The following CADM1 variants were observed in gnomAD, a reference collection of about 807,000 sequenced individuals.
The protein encoded by CADM1 is TSLC-1.
Under a neutral mutation model 53.1 loss-of-function variants are expected in CADM1, and 15 were observed. That is an observed-to-expected ratio of 0.28 (90% CI 0.19 to 0.44). CADM1 has a LOEUF of 0.44. Ranked by LOEUF, CADM1 falls within the 20% of genes least tolerant of loss-of-function variation. The pLI is 1.00. For synonymous variants in CADM1, 281 were observed against 243.0 expected (o/e 1.16, Z -1.45); for missense variants, 434 against 611.3 (o/e 0.71, Z 3.06).
intron 1 of CADM1, among the ~76,000 whole-genome samples, chr11:115,300,538 A>G (rs1944191683): frequency 1.3e-5 from 2 of 152,162 alleles, no homozygotes; most frequent in South Asian, 4.1e-4. Flanking sequence ...TCTTAAGCAT[A>G]TATATCACAG....
intron 1 of CADM1, among the ~76,000 whole-genome samples, chr11:115,281,634 T>A (rs760998325): frequency 3.3e-5 from 5 of 152,298 alleles, no homozygotes; most frequent in Non-Finnish European, 5.9e-5. Context: ...CATTTAGTTC[T>A]ATGAGAGTTT....
intron 1 of CADM1, among the ~76,000 whole-genome samples, chr11:115,245,310 AC>A (rs1322847517): frequency 2.6e-5 from 4 of 152,304 alleles, no homozygotes; most frequent in African/African-American, 4.8e-5. Flanking sequence ...TAAAAAAAAA[AC>A]ATTCTGCTAA....
intron 1 of CADM1, among the ~76,000 whole-genome samples, chr11:115,372,527 C>T (rs546141717): frequency 1.8e-4 from 27 of 152,022 alleles, no homozygotes; most frequent in African/African-American, 6.5e-4. Context: ...TCTTTGCCTC[C>T]CTCTCAAGAA....
chr11:115,367,725 T>C (rs774638058), intron 1 of CADM1, among the ~76,000 whole-genome samples: 39 of 152,214 alleles, frequency 2.6e-4, no homozygotes, highest in Non-Finnish European at 5.0e-4. Flanking sequence ...TTCTGTAGTT[T>C]AATAAATTTT....
At chr11:115,386,383 C>T (rs554970807) in intron 1 of CADM1, among the ~76,000 whole-genome samples, 19 of 152,270 alleles carry the variant, frequency 1.2e-4, no homozygotes, top group Non-Finnish European at 2.4e-4. Flanking sequence ...AACAAAGACA[C>T]ATGTCTTAGT....
Position 115,295,522 on chromosome 11 carries a change from AT to A in CADM1, c.125-55103del, listed in dbSNP as rs1420055303. Among the ~76,000 whole-genome samples, 156 of 75,390 alleles carry A rather than the reference AT, an allele frequency of 2.1e-3. 1 individual carries two copies. Among genetic ancestry groups the A allele is most frequent in the African/African-American group, 0.015 (147 of 9,538 alleles). 49.5% of individuals were successfully genotyped at this position (75,390 alleles called of 152,430 possible). On this transcript the variant is annotated intron_variant, in intron 1 of 11. Coordinates refer to ENST00000331581, the MANE Select transcript of CADM1 (RefSeq NM_001301043.2). ...CAAGATATTTTATATATATATATATATATATATATATATATATATATATATA... is the reference window on the plus strand; with the variant it reads ...CAAGATATTTTATATATATATATATAATATATATATATATATATATATATA...
chr11:115,375,391 G>A (rs1946413070), intron 1 of CADM1, among the ~76,000 whole-genome samples: 1 of 152,154 alleles, frequency 6.6e-6, no homozygotes, highest in South Asian at 2.1e-4. Flanking sequence ...GCCTTCTGGG[G>A]TGCTGCTGGC....
chr11:115,283,985 C>T (rs911620251), intron 1 of CADM1, among the ~76,000 whole-genome samples: 2 of 151,988 alleles, frequency 1.3e-5, no homozygotes, highest in African/African-American at 4.8e-5. Context: ...GGGATCGGGT[C>T]CTAGACTTGC....
intron 1 of CADM1, among the ~76,000 whole-genome samples, chr11:115,322,558 T>C (rs1042015892): frequency 6.6e-6 from 1 of 152,180 alleles, no homozygotes; most frequent in Non-Finnish European, 1.5e-5. Flanking sequence ...CCACTGATAG[T>C]CACTTCTGGT....
intron 1 of CADM1, among the ~76,000 whole-genome samples, chr11:115,416,508 C>A (rs1471829464): frequency 1.3e-5 from 2 of 152,050 alleles, no homozygotes; most frequent in Non-Finnish European, 2.9e-5. Flanking sequence ...ACAGACAGAA[C>A]AAGCACAGAT....
chr11:115,195,102 C>A (rs1477681141), intron 9 of CADM1, among the ~76,000 whole-genome samples: 1 of 152,174 alleles, frequency 6.6e-6, no homozygotes, highest in African/African-American at 2.4e-5. Flanking sequence ...CAAAGAAGAT[C>A]CCTTGTGTCA....
At chr11:115,210,168 C>A (rs1044887243) in intron 7 of CADM1, among the ~76,000 whole-genome samples, 17 of 152,216 alleles carry the variant, frequency 1.1e-4, no homozygotes, top group African/African-American at 4.1e-4. Context: ...GGAAGTAAAA[C>A]TACTTCTCTA....
chr11:115,321,339 G>GCA (rs1944820753), intron 1 of CADM1, among the ~76,000 whole-genome samples: 1 of 152,068 alleles, frequency 6.6e-6, no homozygotes, highest in Non-Finnish European at 1.5e-5. Context: ...AAATATGCTA[G>GCA]TGGTAAGTGC....
intron 1 of CADM1, among the ~76,000 whole-genome samples, chr11:115,370,227 A>C (rs79160983): frequency 6.6e-6 from 1 of 152,314 alleles, no homozygotes; most frequent in East Asian, 1.9e-4. Context: ...GAGGGGTAAG[A>C]AAGAGATCAG....
At chr11:115,256,974 G>C (rs968791149) in intron 1 of CADM1, 5 of 451,274 alleles carry the variant, frequency 1.1e-5, no homozygotes, top group Admixed American at 9.4e-5. Context: ...GGGCAGTCAT[G>C]CTTGTCACAT....
intron 1 of CADM1, among the ~76,000 whole-genome samples, chr11:115,337,611 C>T (rs1191224185): frequency 6.6e-6 from 1 of 152,042 alleles, no homozygotes; most frequent in Non-Finnish European, 1.5e-5. Flanking sequence ...TGCTGTTTAA[C>T]GTTTGATATG....
chr11:115,437,036 A>G (rs1390226913), intron 1 of CADM1, among the ~76,000 whole-genome samples: 2 of 152,222 alleles, frequency 1.3e-5, no homozygotes, highest in African/African-American at 4.8e-5. Flanking sequence ...GTAAGTGAGT[A>G]AAACGTCTGT....
rs752987055 is a variant in CADM1, at chr11:115,252,618, C to T, written c.125-12198G>A. Among the ~76,000 whole-genome samples the T allele has an allele frequency of 3.9e-5, 6 of 152,264 alleles. 1 individual carries two copies. The highest frequency in any genetic ancestry group is 2.6e-4 in the Admixed American group (4 of 15,306). ...CTACAGCATTAAAAACATGACTTAT[C>T]GTCTGGGTTTCCTCCCTTTCTGTAT... is the stretch of plus-strand genomic sequence containing the variant. On this transcript the variant is annotated intron_variant, in intron 1 of 11. Coordinates refer to ENST00000331581, the MANE Select transcript of CADM1 (RefSeq NM_001301043.2).
rs999960564 is a variant in CADM1 at position 115,365,339 on chromosome 11, A to T, written c.125-124919T>A. Among the ~76,000 whole-genome samples, 5 of 152,230 alleles carry T rather than the reference A, an allele frequency of 3.3e-5. No homozygotes were observed. The South Asian group carries it at 1.0e-3, about 32-fold the overall frequency. ...CATTAAAAAATACTAAAGCTGATGT[A>T]GGTTAGATAACTAAGAAGTTTTGGG... On this transcript the variant is annotated intron_variant, in intron 1 of 11. Transcript: ENST00000331581.
Sources: allele counts gnomAD v4.1 joint callset (sites outside exome capture counted in the v4.1 genomes callset), GRCh38; gene constraint gnomAD v4.1.1; transcripts MANE v1.5; gene names NCBI Gene and HGNC (gene_info 2026-07-23, HGNC 2026-07-21).